FBLN1: variants seen among roughly 807,000 people sequenced by gnomAD.
FBLN1 encodes the protein fibulin-1.
Under a neutral mutation model 89.7 loss-of-function variants are expected in FBLN1, and 34 were observed. The observed-to-expected ratio is 0.38, with a 90% CI of 0.29 to 0.50. FBLN1 has a LOEUF of 0.50. FBLN1 is among the 20% of genes least tolerant of loss of function. The pLI is 0.92. For synonymous variants in FBLN1, 393 were observed against 391.3 expected (o/e 1.00, Z -0.05); for missense variants, 777 against 988.1 (o/e 0.79, Z 2.86).
chr22:45,553,217 C>CT (rs1173637818), intron 14 of FBLN1, among the ~76,000 whole-genome samples: 2 of 152,214 alleles, frequency 1.3e-5, no homozygotes, highest in African/African-American at 4.8e-5. Context: ...CCTAGAGGGC[C>CT]TTTTTTCTCT....
intron 1 of FBLN1, among the ~76,000 whole-genome samples, chr22:45,518,238 C>CA (rs2088197353): frequency 6.6e-6 from 1 of 151,984 alleles, no homozygotes; most frequent in Non-Finnish European, 1.5e-5. Flanking sequence ...TGGAAAGAGT[C>CA]ATGTCGGCTG....
At chr22:45,512,065 G>A (rs1191428647) in intron 1 of FBLN1, among the ~76,000 whole-genome samples, 2 of 151,948 alleles carry the variant, frequency 1.3e-5, no homozygotes, top group African/African-American at 4.8e-5. Flanking sequence ...ATCCCCCACA[G>A]CCCAGTGTCG....
chr22:45,529,705 A>G (rs1232317459), intron 4 of FBLN1, among the ~76,000 whole-genome samples: 2 of 152,122 alleles, frequency 1.3e-5, no homozygotes, highest in Non-Finnish European at 1.5e-5. Context: ...GTCTCTACTA[A>G]AAATACAAAA....
rs1685440975 is a variant in FBLN1, at chr22:45,563,315, T to C, written c.1698-11196T>C. 1 of 1,612,022 alleles carries C rather than the reference T, an allele frequency of 6.2e-7. No homozygotes were observed. Among genetic ancestry groups the C allele is most frequent in the Non-Finnish European group, 8.5e-7 (1 of 1,179,918 alleles). ...CTCCCTCCTGTTGCTTTCCTAACCC[T>C]GCCCTCCGGGGCGTTAATAAAGTCT... On this transcript the variant is annotated intron_variant, in intron 14 of 16. Coordinates refer to ENST00000327858, the MANE Select transcript of FBLN1 (RefSeq NM_006486.3). This position sits in a 1 kb window ranked among gnomAD's most constrained non-coding sequence, Gnocchi z 5.7.
At chr22:45,598,399 C>T (rs572482175) in intron 16 of FBLN1, among the ~76,000 whole-genome samples, 1 of 152,234 alleles carries the variant, frequency 6.6e-6, no homozygotes, top group Non-Finnish European at 1.5e-5. Flanking sequence ...TTAGACAAAT[C>T]CTACTGTCAG....
At position 45,576,789 on chromosome 22, in the gene FBLN1, T is replaced by A. The variant is rs1302092113; in HGVS notation, c.1841-188T>A. Among the ~76,000 whole-genome samples the A allele has an allele frequency of 6.6e-6, 1 of 152,164 alleles. No homozygotes were observed. Among genetic ancestry groups the A allele is most frequent in the Non-Finnish European group, 1.5e-5 (1 of 68,032 alleles). On this transcript the variant is annotated intron_variant, in intron 15 of 16. Transcript: ENST00000327858. The surrounding 1 kb of genome is among the most constrained non-coding windows in gnomAD (Gnocchi z 5.2). ...CCCCTGCTATAAAACAGGGATGGGCTATGATATAGGAAGGTCCAGACCCCT... is the reference window on the plus strand; with the variant it reads ...CCCCTGCTATAAAACAGGGATGGGCAATGATATAGGAAGGTCCAGACCCCT...
At position 45,576,457 on chromosome 22, in the gene FBLN1, G is replaced by A. The variant is rs2088998039; in HGVS notation, c.1841-520G>A. Among the ~76,000 whole-genome samples, 2 of 152,036 alleles carry A rather than the reference G, an allele frequency of 1.3e-5. No homozygotes were observed. The highest frequency in any genetic ancestry group is 2.9e-5 in the Non-Finnish European group (2 of 68,002). On this transcript the variant is annotated intron_variant, in intron 15 of 16. Transcript: ENST00000327858. This position sits in a 1 kb window ranked among gnomAD's most constrained non-coding sequence, Gnocchi z 5.2. The stretch of plus-strand genomic sequence containing the variant: ...TGAGGAAACTGAGGCCCACAGAGAG[G>A]ACTCCCCCAAGACAGCCCAGAGCTG...
At position 45,577,937 on chromosome 22, in the gene FBLN1, T is replaced by C. The variant is rs945279309; in HGVS notation, c.1972+829T>C. 6.6e-6 allele frequency: 1 copy of C among 152,610 alleles called. No homozygotes were observed. The highest frequency in any genetic ancestry group is 1.5e-5 in the Non-Finnish European group (1 of 68,402). 9.5% of individuals were successfully genotyped at this position (152,610 alleles called of 1,614,324 possible). ...TCCTGAACTGTCACATTTTAAAAGA[T>C]TTACAGTCATGGGAAATGAAAACGG... On this transcript the variant is annotated intron_variant, in intron 16 of 16. Transcript: ENST00000327858. The surrounding 1 kb of genome is among the most constrained non-coding windows in gnomAD (Gnocchi z 6.6).
intron 1 of FBLN1, among the ~76,000 whole-genome samples, chr22:45,513,064 C>T (rs944489747): frequency 2.0e-5 from 3 of 152,210 alleles, no homozygotes; most frequent in Non-Finnish European, 2.9e-5. Flanking sequence ...CACTGTCAAA[C>T]TGCTGTACAG....
At position 45,547,152 on chromosome 22, in the gene FBLN1, TTAC is replaced by T. The variant is rs1442188018; in HGVS notation, c.1391_1393del (p.Tyr464del). ...CCAACGTCTACGGCTCCTACCAGTG[TTAC>T]TGCCGGCGAGGCTACCAGCTCAGCG... On this transcript the variant is annotated inframe_deletion, in exon 12 of 17. Transcript: ENST00000327858. 1 of 1,613,986 alleles carries T rather than the reference TTAC, an allele frequency of 6.2e-7. No individual in the cohort carries two copies. The highest frequency in any genetic ancestry group is 8.5e-7 in the Non-Finnish European group (1 of 1,180,026).
chr22:45,533,686 G>T, intron 6 of FBLN1, 75 bp from the exon 7 acceptor site: 1 of 1,570,014 alleles, frequency 6.4e-7, no homozygotes, highest in Non-Finnish European at 8.7e-7. Context: ...CGTGGCTTTG[G>T]CACATTCCTT....
chr22:45,528,029 C>T lies in FBLN1; in HGVS notation c.484+20C>T, dbSNP rs1481627512. 1 of 1,613,386 alleles carries T rather than the reference C, an allele frequency of 6.2e-7. No individual in the cohort carries two copies. The highest frequency in any genetic ancestry group is 1.3e-5 in the African/African-American group (1 of 74,928). On this transcript the variant is annotated intron_variant, in intron 4 of 16. Coordinates refer to ENST00000327858, the MANE Select transcript of FBLN1 (RefSeq NM_006486.3). Reference sequence around the variant, plus strand: ...AAACGGGTAACTTTCCCCCTTCCTTCCCTAATGAGCAGTGTATTAAGGTTC... The same window carrying T: ...AAACGGGTAACTTTCCCCCTTCCTTTCCTAATGAGCAGTGTATTAAGGTTC...
In FBLN1 at chr22:45,533,803, G is replaced by T. The variant is rs2088443557; in HGVS notation, c.689G>T (p.Gly230Val). 1 of 1,613,570 alleles carries T rather than the reference G, an allele frequency of 6.2e-7. No homozygotes were observed. Among genetic ancestry groups the T allele is most frequent in the South Asian group, 1.1e-5 (1 of 91,090 alleles). The change falls in exon 7 of 17, where the codon GGA becomes GTA. Residue 230 changes from glycine (G) to valine (V), a missense_variant. By Grantham distance (109) the Gly-to-Val change is moderately radical (BLOSUM62 -3). Coordinates refer to ENST00000327858, the MANE Select transcript of FBLN1 (RefSeq NM_006486.3). The part of the protein sequence containing the change: ...CITGSHSCRL[G>V]ESCINTVGSF... ...ACGGGCAGCCACAGCTGCCGGCTTGGAGAATCCTGCATCAACACAGTGGGC... is the reference window on the plus strand; with the variant it reads ...ACGGGCAGCCACAGCTGCCGGCTTGTAGAATCCTGCATCAACACAGTGGGC...
rs374463569 is a variant in FBLN1, at chr22:45,545,278, C to T, written c.1321+1752C>T. 3.3e-5 allele frequency among the ~76,000 whole-genome samples: 5 copies of T among 152,164 alleles called. No individual in the cohort carries two copies. The highest frequency in any genetic ancestry group is 1.2e-4 in the African/African-American group (5 of 41,440). On this transcript the variant is annotated intron_variant, in intron 11 of 16. Coordinates refer to ENST00000327858, the MANE Select transcript of FBLN1 (RefSeq NM_006486.3). This position sits in a 1 kb window ranked among gnomAD's most constrained non-coding sequence, Gnocchi z 5.9. ...CATGGCCTTGAAGAAGTAACTCAGT[C>T]TTTCCTGGGCCATGGTGTCCTCATC...
In FBLN1 at chr22:45,531,382, A is replaced by G; in HGVS notation, c.544+58A>G. On this transcript the variant is annotated intron_variant, in intron 5 of 16. Transcript: ENST00000327858. The surrounding 1 kb of genome is among the most constrained non-coding windows in gnomAD (Gnocchi z 4.9). ...TTAAACAAACCCCAAGGGGCCAGCAAGGTGGCTCAGGCCTGTAATCCTAGT... is the reference window on the plus strand; with the variant it reads ...TTAAACAAACCCCAAGGGGCCAGCAGGGTGGCTCAGGCCTGTAATCCTAGT... 4 of 1,463,502 alleles carry G rather than the reference A, an allele frequency of 2.7e-6. No individual in the cohort carries two copies. The highest frequency in any genetic ancestry group is 3.8e-6 in the Non-Finnish European group (4 of 1,043,580). The allele number at this position is 1,463,502 out of a possible 1,614,324, so 90.7% of individuals were successfully genotyped here.
At position 45,534,298 on chromosome 22, in the gene FBLN1, A is replaced by C. The variant is rs1243362674; in HGVS notation, c.784+400A>C. On this transcript the variant is annotated intron_variant, in intron 7 of 16. Coordinates refer to ENST00000327858, the MANE Select transcript of FBLN1 (RefSeq NM_006486.3). ...TTCTCACATGTACTTTCTACAAAAA[A>C]AAAAAAAAAAAAAAAAAAAAAAGCA... 5.1e-5 allele frequency among the ~76,000 whole-genome samples: 7 copies of C among 136,486 alleles called. No individual in the cohort carries two copies. The Admixed American group carries it at 5.3e-4, about 10-fold the overall frequency. 89.5% of individuals were successfully genotyped at this position (136,486 alleles called of 152,430 possible).
intron 14 of FBLN1, among the ~76,000 whole-genome samples, chr22:45,553,416 C>T (rs1023583065): frequency 6.6e-6 from 1 of 152,198 alleles, no homozygotes; most frequent in African/African-American, 2.4e-5. Flanking sequence ...CGCCTATGCC[C>T]TGCTCTGTAA....
intron 16 of FBLN1, among the ~76,000 whole-genome samples, chr22:45,593,173 C>T (rs2089154226): frequency 6.7e-6 from 1 of 149,564 alleles, no homozygotes; most frequent in African/African-American, 2.5e-5. Flanking sequence ...CCACCCCCCG[C>T]CACTGACTTT....
rs551409557 is a variant in FBLN1, at chr22:45,545,527, G to A, written c.1322-1558G>A. Among the ~76,000 whole-genome samples the A allele has an allele frequency of 2.6e-5, 4 of 152,268 alleles. No individual in the cohort carries two copies. Among genetic ancestry groups the A allele is most frequent in the Non-Finnish European group, 2.9e-5 (2 of 68,016 alleles). ...AGTCGGCATTCATATCCACATTAGT[G>A]GACAATATTGTGGATATAGAACCAG... On this transcript the variant is annotated intron_variant, in intron 11 of 16. Transcript: ENST00000327858. This position sits in a 1 kb window ranked among gnomAD's most constrained non-coding sequence, Gnocchi z 5.9.
Sources: allele counts gnomAD v4.1 joint callset (sites outside exome capture counted in the v4.1 genomes callset), GRCh38; gene constraint gnomAD v4.1.1; non-coding constraint Gnocchi (gnomAD v3.1); transcripts MANE v1.5; gene names NCBI Gene and HGNC (gene_info 2026-07-23, HGNC 2026-07-21).